NMT1: variants seen among roughly 807,000 people sequenced by gnomAD.
NMT1 encodes the protein N-myristoyltransferase 1.
A neutral mutation model predicts 63.4 loss-of-function variants in NMT1; 12 were observed. That is an observed-to-expected ratio of 0.19 (90% CI 0.12 to 0.31). The LOEUF (loss-of-function observed/expected upper bound fraction) is 0.31. Ranked by LOEUF, NMT1 falls within the 10% of genes least tolerant of loss-of-function variation. The probability of loss-of-function intolerance (pLI) is 1.00; values close to 1 mark genes in which losing one functional copy is unlikely to be tolerated. For synonymous variants in NMT1, 228 were observed against 234.3 expected, an observed-to-expected ratio of 0.97 and a Z score of 0.25; for missense variants, 432 against 634.6, an observed-to-expected ratio of 0.68 and a Z score of 3.43.
intron 1 of NMT1, among the ~76,000 whole-genome samples, chr17:45,080,542 C>G: frequency 6.9e-6 from 1 of 145,634 alleles, no homozygotes; most frequent in East Asian, 2.0e-4. Flanking sequence ...GATCTCGGCT[C>G]ACTGCAAGCT....
At chr17:45,063,011 T>C (rs2053877106) in intron 1 of NMT1, among the ~76,000 whole-genome samples, 1 of 152,008 alleles carries the variant, frequency 6.6e-6, no homozygotes, top group Non-Finnish European at 1.5e-5. Context: ...GAGACCATCC[T>C]GGCTAACACT....
chr17:45,072,555 G>A (rs188007336), intron 1 of NMT1, among the ~76,000 whole-genome samples: 3 of 148,724 alleles, frequency 2.0e-5, no homozygotes, highest in African/African-American at 4.9e-5. Context: ...GTGAGCCACC[G>A]CACCTGGCCT....
chr17:45,099,596 G>T (rs559095378), intron 8 of NMT1, 83 bp downstream of exon 8: 1 of 971,808 alleles, frequency 1.0e-6, no homozygotes, highest in African/African-American at 1.6e-5. Flanking sequence ...AGGGCTCTGG[G>T]TGGAGAGGGA....
chr17:45,095,344 G>A (rs2054118082), intron 4 of NMT1, among the ~76,000 whole-genome samples: 1 of 148,928 alleles, frequency 6.7e-6, no homozygotes, highest in African/African-American at 2.5e-5. Flanking sequence ...CTGACCTCAG[G>A]TGATCCGCCC....
rs8074011 is a variant in NMT1 at position 45,065,395 on chromosome 17, G to A, written c.131+3935G>A. On this transcript the variant is annotated intron_variant, in intron 1 of 11. Transcript: ENST00000258960. Reference sequence around the variant, plus strand: ...TCCCAGCACTTTGGGAGGCTAAGGCGGGCGGGATCATGAGGTCAGGAGATC... The same window carrying A: ...TCCCAGCACTTTGGGAGGCTAAGGCAGGCGGGATCATGAGGTCAGGAGATC... Among the ~76,000 whole-genome samples the A allele has an allele frequency of 1.7e-3, 265 of 152,168 alleles. 1 individual carries two copies. The highest frequency in any genetic ancestry group is 5.8e-3 in the African/African-American group (242 of 41,524).
chr17:45,104,234 T>C lies in NMT1; in HGVS notation c.1332+358T>C, dbSNP rs890113797. ...ATTGCTGTCTGTCGTGGTGAGTCAT[T>C]GGAGCATCCAACTGCCAGTAGCGGA... On this transcript the variant is annotated intron_variant, in intron 10 of 11. Coordinates refer to ENST00000258960, the MANE Select transcript of NMT1 (RefSeq NM_021079.5). This position sits in a 1 kb window ranked among gnomAD's most constrained non-coding sequence, Gnocchi z 4.2. 4.1e-6 allele frequency: 5 copies of C among 1,212,306 alleles called. No homozygotes were observed. In the African/African-American group the frequency reaches 6.3e-5, roughly 15 times the overall value. The allele number at this position is 1,212,306 out of a possible 1,614,324, so 75.1% of individuals were successfully genotyped here. A position where few individuals can be genotyped will look rare whatever the true frequency, so the allele number is the denominator to read the frequency against.
At chr17:45,081,786 C>A in intron 2 of NMT1, 34 bp downstream of exon 2, 2 of 1,463,284 alleles carry the variant, frequency 1.4e-6, no homozygotes, top group South Asian at 2.5e-5. Context: ...GTGACTCAGT[C>A]ACTTTTTCAC....
At chr17:45,079,769 G>T (rs953254633) in intron 1 of NMT1, among the ~76,000 whole-genome samples, 4 of 151,940 alleles carry the variant, frequency 2.6e-5, no homozygotes, top group Non-Finnish European at 5.9e-5. Context: ...GCGCAATCTC[G>T]GCTCACTGCA....
chr17:45,083,190 G>A (rs9899200), intron 2 of NMT1, among the ~76,000 whole-genome samples: 21,104 of 151,334 alleles, frequency 0.14, 1,820 homozygotes, highest in East Asian at 0.28. Flanking sequence ...GTGGTGGCAC[G>A]CACCTGTAAT....
intron 8 of NMT1, among the ~76,000 whole-genome samples, chr17:45,101,617 CAAAAAAA>C (rs748973404): frequency 7.5e-5 from 4 of 53,368 alleles, no homozygotes; most frequent in Admixed American, 2.4e-4. Context: ...GACTCCGTCG[CAAAAAAA>C]AAAAAAAAAA....
chr17:45,095,540 C>G (rs942971564), intron 4 of NMT1, among the ~76,000 whole-genome samples: 9 of 152,058 alleles, frequency 5.9e-5, no homozygotes, highest in African/African-American at 2.2e-4. Flanking sequence ...GTGGGAAGAT[C>G]GATTGAGCCC....
At chr17:45,088,789 T>C (rs2054070089) in intron 3 of NMT1, among the ~76,000 whole-genome samples, 1 of 150,116 alleles carries the variant, frequency 6.7e-6, no homozygotes, top group East Asian at 1.9e-4. Flanking sequence ...AAGAGGCAGC[T>C]TGGGATTAAT....
chr17:45,096,317 A>G lies in NMT1; in HGVS notation c.596+32A>G, dbSNP rs562237960. On this transcript the variant is annotated intron_variant, in intron 5 of 11. Transcript: ENST00000258960. ...TGTGGGGGCTTTCTTGAGGTTCTTGAGAGGAAGGCATAGAGCAGATCCACC... is the reference window on the plus strand; with the variant it reads ...TGTGGGGGCTTTCTTGAGGTTCTTGGGAGGAAGGCATAGAGCAGATCCACC... 1.1e-5 allele frequency: 17 copies of G among 1,557,282 alleles called. No homozygotes were observed. In the East Asian group the frequency reaches 3.8e-4, roughly 35 times the overall value.
chr17:45,087,980 AGAACTGCCAG>A (rs780307378), intron 3 of NMT1, among the ~76,000 whole-genome samples: 6 of 152,360 alleles, frequency 3.9e-5, no homozygotes, highest in Non-Finnish European at 7.3e-5. Context: ...CTGCAGAATC[AGAACTGCCAG>A]AGGATTTCTG....
intron 1 of NMT1, among the ~76,000 whole-genome samples, chr17:45,074,436 G>GTCGCGATCTCCTGACC (rs1179022513): frequency 1.3e-5 from 2 of 152,084 alleles, no homozygotes; most frequent in Non-Finnish European, 2.9e-5. Flanking sequence ...AGCCAGGATG[G>GTCGCGATCTCCTGACC]TCGCGATCTC....
intron 1 of NMT1, among the ~76,000 whole-genome samples, chr17:45,063,625 G>A (rs1250268783): frequency 6.6e-6 from 1 of 152,226 alleles, no homozygotes; most frequent in African/African-American, 2.4e-5. Flanking sequence ...GCCTGGCGTG[G>A]TAGCTCACAC....
intron 1 of NMT1, among the ~76,000 whole-genome samples, chr17:45,080,380 G>A (rs1417595524): frequency 4.0e-5 from 6 of 150,054 alleles, no homozygotes; most frequent in South Asian, 4.2e-4. Context: ...GGCTGGTCTC[G>A]AACTCTGCAC....
Position 45,104,137 on chromosome 17 carries a change from G to T in NMT1, c.1332+261G>T, listed in dbSNP as rs574021964. 2.2e-6 allele frequency: 3 copies of T among 1,366,786 alleles called. No individual in the cohort carries two copies. Among genetic ancestry groups the T allele is most frequent in the African/African-American group, 2.9e-5 (2 of 68,410 alleles). 84.7% of individuals were successfully genotyped at this position (1,366,786 alleles called of 1,614,324 possible). On this transcript the variant is annotated intron_variant, in intron 10 of 11. Transcript: ENST00000258960. The surrounding 1 kb of genome is among the most constrained non-coding windows in gnomAD (Gnocchi z 4.2). ...TTCTCACAGGAGGCGCCACCAAGGA[G>T]CCTGAATAGCCAGGCCTTCCCTGGG... is the stretch of plus-strand genomic sequence containing the variant.
At chr17:45,087,769 T>C (rs2054063854) in intron 3 of NMT1, among the ~76,000 whole-genome samples, 1 of 152,184 alleles carries the variant, frequency 6.6e-6, no homozygotes, top group Admixed American at 6.5e-5. Context: ...TTCACTAGTA[T>C]GTTCGGTGCA....
Sources: allele counts gnomAD v4.1 joint callset (sites outside exome capture counted in the v4.1 genomes callset), GRCh38; gene constraint gnomAD v4.1.1; non-coding constraint Gnocchi (gnomAD v3.1); transcripts MANE v1.5; gene names NCBI Gene and HGNC (gene_info 2026-07-23, HGNC 2026-07-21).